Variants in TMCO4 observed in about 807,000 individuals in gnomAD.
TMCO4 encodes transmembrane and coiled-coil domains 4.
In TMCO4, 58 loss-of-function variants were observed where a neutral mutation model predicts 64.7. The observed-to-expected ratio is 0.90, with a 90% CI of 0.73 to 1.12. The LOEUF (loss-of-function observed/expected upper bound fraction) is 1.12, where lower values mean the gene tolerates loss of function less well. TMCO4 is among the 50% of genes most tolerant of loss of function. TMCO4 has a pLI of 0.00. For synonymous variants in TMCO4, 325 were observed against 346.1 expected, an observed-to-expected ratio of 0.94 and a Z score of 0.68; for missense variants, 780 against 825.9, an observed-to-expected ratio of 0.94 and a Z score of 0.68.
At chr1:19,769,786 C>T (rs2042900019) in intron 6 of TMCO4, among the ~76,000 whole-genome samples, 1 of 136,162 alleles carries the variant, frequency 7.3e-6, no homozygotes, top group African/African-American at 2.7e-5. Context: ...TTAATGCAGG[C>T]ATCCTGGAAT....
At chr1:19,695,836 C>A (rs529577797) in intron 14 of TMCO4, among the ~76,000 whole-genome samples, 1 of 152,292 alleles carries the variant, frequency 6.6e-6, no homozygotes, top group African/African-American at 2.4e-5. Flanking sequence ...GAAGTGAGAT[C>A]ATCCGTCCCT....
At chr1:19,735,977 C>T (rs116617010) in intron 13 of TMCO4, among the ~76,000 whole-genome samples, 1,722 of 152,242 alleles carry the variant, frequency 0.011, 40 homozygotes, top group African/African-American at 0.04. Flanking sequence ...ACAACCAGCA[C>T]CGATGGCCAG....
intron 4 of TMCO4, among the ~76,000 whole-genome samples, chr1:19,778,090 G>C (rs2043293858): frequency 6.6e-6 from 1 of 152,096 alleles, no homozygotes; most frequent in African/African-American, 2.4e-5. Flanking sequence ...AGTGGTAGGA[G>C]TAAGTGTGGT....
Position 19,682,305 on chromosome 1 carries a change from T to C in TMCO4, c.*735A>G, listed in dbSNP as rs1053362841. 7.4e-6 allele frequency: 2 copies of C among 271,492 alleles called. No homozygotes were observed. Among genetic ancestry groups the C allele is most frequent in the Non-Finnish European group, 1.4e-5 (2 of 141,382 alleles). 16.8% of individuals were successfully genotyped at this position (271,492 alleles called of 1,614,324 possible). On this transcript the variant is annotated 3_prime_UTR_variant, in exon 16 of 16. Coordinates refer to ENST00000294543, the MANE Select transcript of TMCO4 (RefSeq NM_181719.7). ...TTCCTGCTACAGGAAATTCTTTCCA[T>C]GTAAAATTCATTCTTGTCCCCAGGC...
intron 13 of TMCO4, among the ~76,000 whole-genome samples, chr1:19,720,555 T>C (rs994264224): frequency 6.6e-6 from 1 of 152,202 alleles, no homozygotes; most frequent in Non-Finnish European, 1.5e-5. Flanking sequence ...TGTTTTATAT[T>C]TGCCCATAAG....
intron 2 of TMCO4, among the ~76,000 whole-genome samples, chr1:19,787,589 T>C (rs2043811437): frequency 6.6e-6 from 1 of 152,154 alleles, no homozygotes; most frequent in Non-Finnish European, 1.5e-5. Context: ...GCACTCCCTT[T>C]CTCACATGCC....
intron 4 of TMCO4, among the ~76,000 whole-genome samples, chr1:19,773,107 T>C (rs2043059494): frequency 6.6e-6 from 1 of 152,170 alleles, no homozygotes; most frequent in Admixed American, 6.5e-5. Flanking sequence ...CAAGAGTCGC[T>C]TGAACCCAGG....
At chr1:19,698,430 G>T (rs551387050) in intron 14 of TMCO4, among the ~76,000 whole-genome samples, 1 of 152,352 alleles carries the variant, frequency 6.6e-6, no homozygotes, top group South Asian at 2.1e-4. Flanking sequence ...GGATGTGACA[G>T]GCAGCAGTGC....
intron 10 of TMCO4, among the ~76,000 whole-genome samples, chr1:19,742,676 C>A (rs963049516): frequency 6.6e-6 from 1 of 152,208 alleles, no homozygotes; most frequent in Non-Finnish European, 1.5e-5. Context: ...ATGGCTTCCA[C>A]GGGTGTGACC....
intron 14 of TMCO4, among the ~76,000 whole-genome samples, chr1:19,700,113 C>T (rs957801252): frequency 2.0e-5 from 3 of 152,162 alleles, no homozygotes; most frequent in African/African-American, 7.2e-5. Context: ...TTAATCTTCC[C>T]TCCTGCCCCA....
chr1:19,741,738 C>CTT lies in TMCO4; in HGVS notation c.878-799_878-798dup, dbSNP rs773061506. Among the ~76,000 whole-genome samples the CTT allele has an allele frequency of 2.5e-3, 356 of 144,706 alleles. 3 individuals carry two copies. Among genetic ancestry groups the CTT allele is most frequent in the African/African-American group, 3.7e-3 (143 of 38,904 alleles). 94.9% of individuals were successfully genotyped at this position (144,706 alleles called of 152,430 possible). On this transcript the variant is annotated intron_variant, in intron 10 of 15. Transcript: ENST00000294543. ...CAAGTGGCTTTTCTTTTCTTTCTTT[C>CTT]TTTCTTTTTTTTTTTTGAGACAGAG...
intron 2 of TMCO4, among the ~76,000 whole-genome samples, chr1:19,794,565 G>T (rs2044209597): frequency 6.6e-6 from 1 of 152,184 alleles, no homozygotes; most frequent in Non-Finnish European, 1.5e-5. Flanking sequence ...CAGAGTGACG[G>T]GCAAGATGAA....
chr1:19,783,137 T>A (rs1230407992), intron 3 of TMCO4, among the ~76,000 whole-genome samples: 2 of 152,242 alleles, frequency 1.3e-5, no homozygotes, highest in Non-Finnish European at 2.9e-5. Flanking sequence ...AGACCTAACA[T>A]TACTGAGTTA....
chr1:19,742,259 T>G (rs1469815736), intron 10 of TMCO4, among the ~76,000 whole-genome samples: 1 of 152,208 alleles, frequency 6.6e-6, no homozygotes, highest in Non-Finnish European at 1.5e-5. Context: ...TTATTCGCTA[T>G]TTATGCATCC....
intron 13 of TMCO4, among the ~76,000 whole-genome samples, chr1:19,701,553 T>A (rs183279000): frequency 3.3e-4 from 50 of 152,236 alleles, no homozygotes; most frequent in African/African-American, 1.1e-3. Flanking sequence ...ACAGCCTGGG[T>A]TGGAACCCAG....
Position 19,682,433 on chromosome 1 carries a change from G to C in TMCO4, c.*607C>G, listed in dbSNP as rs2095109283. On this transcript the variant is annotated 3_prime_UTR_variant, in exon 16 of 16. Transcript: ENST00000294543. ...GGGGGAGCACACTCACATTGTGTCT[G>C]TGTGACTCATGTCCCTGGAGTTATG... 7 of 586,810 alleles carry C rather than the reference G, an allele frequency of 1.2e-5. No individual in the cohort carries two copies. The highest frequency in any genetic ancestry group is 2.9e-5 in the Admixed American group (1 of 34,626). The allele number at this position is 586,810 out of a possible 1,614,324, so 36.4% of individuals were successfully genotyped here.
chr1:19,719,697 T>TA (rs796106875), intron 13 of TMCO4, among the ~76,000 whole-genome samples: 7 of 150,910 alleles, frequency 4.6e-5, no homozygotes, highest in Non-Finnish European at 1.5e-5. Context: ...TCTGGCTAAT[T>TA]AAAAAAAAAA....
At chr1:19,753,558 C>T (rs370539917) in intron 7 of TMCO4, among the ~76,000 whole-genome samples, 2 of 152,188 alleles carry the variant, frequency 1.3e-5, no homozygotes, top group South Asian at 2.1e-4. Context: ...CCTTGGTCGG[C>T]CCAGTGATGA....
At chr1:19,701,115 A>G (rs1455742285) in intron 13 of TMCO4, 5 of 454,646 alleles carry the variant, frequency 1.1e-5, no homozygotes, top group Middle Eastern at 5.8e-4. Flanking sequence ...CAAGCCTCTT[A>G]TATGTCTAAT....
Sources: allele counts gnomAD v4.1 joint callset (sites outside exome capture counted in the v4.1 genomes callset), GRCh38; gene constraint gnomAD v4.1.1; transcripts MANE v1.5; gene names NCBI Gene and HGNC (gene_info 2026-07-23, HGNC 2026-07-21).